OPN5: variants seen among roughly 807,000 people sequenced by gnomAD.
OPN5 encodes opsin 5, also known as opsin-5.
OPN5 carries 18 observed loss-of-function variants against 41.7 expected under a neutral mutation model. The observed-to-expected ratio is 0.43, with a 90% CI of 0.30 to 0.64. The LOEUF (loss-of-function observed/expected upper bound fraction) is 0.64. OPN5 is among the 30% of genes least tolerant of loss of function. The probability of loss-of-function intolerance (pLI) is 0.13; values close to 1 mark genes in which losing one functional copy is unlikely to be tolerated. For missense variants in OPN5, 318 were observed against 434.5 expected (o/e 0.73, Z 2.38); for synonymous variants, 178 against 164.3 (o/e 1.08, Z -0.64).
At chr6:47,808,438 T>C (rs1774061001) in intron 5 of OPN5, 43 bp downstream of exon 5, 1 of 1,608,258 alleles carries the variant, frequency 6.2e-7, no homozygotes, top group Non-Finnish European at 8.5e-7. Flanking sequence ...TCTCTTTGTT[T>C]CAAAATCCGG....
chr6:47,797,092 C>T (rs905576922), intron 4 of OPN5, among the ~76,000 whole-genome samples: 1 of 152,174 alleles, frequency 6.6e-6, no homozygotes, highest in African/African-American at 2.4e-5. Context: ...TTACCTCTCA[C>T]TGGGTCCCTG....
rs544558602 is a variant in OPN5, at chr6:47,785,816, G to T, written c.131-699G>T. 2.0e-5 allele frequency among the ~76,000 whole-genome samples: 3 copies of T among 152,272 alleles called. No homozygotes were observed. The East Asian group carries it at 5.8e-4, about 29-fold the overall frequency. The stretch of plus-strand genomic sequence containing the variant: ...CACTTATGGCATTGTTGGTAGGTTC[G>T]GTGGGTTGAGGGTCACTTTCTCTCC... On this transcript the variant is annotated intron_variant, in intron 1 of 6. Transcript: ENST00000371211.
At chr6:47,814,063 G>A (rs78009194) in intron 6 of OPN5, among the ~76,000 whole-genome samples, 1,891 of 152,184 alleles carry the variant, frequency 0.012, 43 homozygotes, top group African/African-American at 0.043. Context: ...TAACGATATA[G>A]TTATAGATTA....
chr6:47,824,494 T>G (rs567505252), exon 7 of OPN5: 14 of 156,142 alleles, frequency 9.0e-5, no homozygotes, highest in African/African-American at 3.4e-4. Flanking sequence ...CTTTCACTGA[T>G]AAGAAGCATC....
At chr6:47,795,866 T>C (rs1229039255) in intron 4 of OPN5, among the ~76,000 whole-genome samples, 1 of 152,136 alleles carries the variant, frequency 6.6e-6, no homozygotes, top group Non-Finnish European at 1.5e-5. Flanking sequence ...TTATCTGCTC[T>C]GCTGAATAGG....
At chr6:47,809,298 C>T (rs868820343) in intron 5 of OPN5, among the ~76,000 whole-genome samples, 7 of 152,260 alleles carry the variant, frequency 4.6e-5, no homozygotes, top group Middle Eastern at 3.4e-3. Flanking sequence ...CTTAATACTT[C>T]TTCCCTTGAA....
intron 4 of OPN5, among the ~76,000 whole-genome samples, chr6:47,800,457 A>G (rs1402024577): frequency 6.6e-6 from 1 of 152,194 alleles, no homozygotes; most frequent in Non-Finnish European, 1.5e-5. Context: ...AGTGTCAGAC[A>G]TGCAAAAAAC....
intron 3 of OPN5, among the ~76,000 whole-genome samples, chr6:47,792,813 C>T (rs540337151): frequency 6.6e-6 from 1 of 152,176 alleles, no homozygotes; most frequent in South Asian, 2.1e-4. Context: ...GGTGTCAGAG[C>T]AGGGCCTGGA....
intron 3 of OPN5, 131 bp from the exon 4 acceptor site, chr6:47,795,098 C>A: frequency 1.4e-6 from 1 of 717,546 alleles, no homozygotes; most frequent in Non-Finnish European, 2.2e-6. Flanking sequence ...CTCCCTCAGG[C>A]TTCAGTTATC....
chr6:47,825,463 T>C (rs1321667883), downstream of OPN5: 1 of 152,110 alleles, frequency 6.6e-6, no homozygotes, highest in Non-Finnish European at 1.5e-5. Context: ...GTGAAATGGG[T>C]TCTAGGCCAA....
At chr6:47,807,637 G>C (rs10485319) in intron 4 of OPN5, among the ~76,000 whole-genome samples, 18,938 of 152,066 alleles carry the variant, frequency 0.12, 1,326 homozygotes, top group Middle Eastern at 0.16. Context: ...TGAATTTCCA[G>C]TACCTGAGTC....
chr6:47,812,750 A>G (rs1209469212), intron 6 of OPN5, among the ~76,000 whole-genome samples: 1 of 152,108 alleles, frequency 6.6e-6, no homozygotes, highest in African/African-American at 2.4e-5. Flanking sequence ...TCTCTATTCC[A>G]TCTACCTCCC....
At position 47,795,600 on chromosome 6, in the gene OPN5, CTACT is replaced by C; in HGVS notation, c.756+41_756+44del. On this transcript the variant is annotated intron_variant, in intron 4 of 6. Coordinates refer to ENST00000371211, the Ensembl canonical transcript of OPN5. Reference sequence around the variant, plus strand: ...AATATTTTACACATGTGTTTTCTGACTACTTACAACTTCATAGGGTACAAAGGAT... The same window carrying C: ...AATATTTTACACATGTGTTTTCTGACTACAACTTCATAGGGTACAAAGGAT... 2.9e-6 allele frequency: 4 copies of C among 1,390,932 alleles called. 1 individual carries two copies. In the South Asian group the frequency reaches 4.8e-5, roughly 17 times the overall value. 86.2% of individuals were successfully genotyped at this position (1,390,932 alleles called of 1,614,324 possible). A position where few individuals can be genotyped will look rare whatever the true frequency, so the allele number is the denominator to read the frequency against.
At chr6:47,819,461 CAGT>C (rs1453164094) in intron 6 of OPN5, among the ~76,000 whole-genome samples, 2 of 140,960 alleles carry the variant, frequency 1.4e-5, no homozygotes, top group Non-Finnish European at 3.1e-5. Flanking sequence ...ATTCCACATT[CAGT>C]AGTTTAGTGC....
chr6:47,823,667 C>A, intron 6 of OPN5: 1 of 466,086 alleles, frequency 2.1e-6, no homozygotes, highest in Non-Finnish European at 3.8e-6. Context: ...TTGGAGTTTG[C>A]ATTTCATTCT....
intron 4 of OPN5, among the ~76,000 whole-genome samples, chr6:47,801,726 T>C (rs1344867293): frequency 2.0e-5 from 3 of 152,308 alleles, no homozygotes; most frequent in African/African-American, 4.8e-5. Context: ...ATTTACGATT[T>C]CATACCTATT....
At chr6:47,791,969 T>C in exon 3 of OPN5, 1 of 1,612,246 alleles carries the variant, frequency 6.2e-7, no homozygotes. Flanking sequence ...CTATTTATCT[T>C]ATGGTAAGTT....
chr6:47,797,555 C>A (rs1250408078), intron 4 of OPN5, among the ~76,000 whole-genome samples: 2 of 152,154 alleles, frequency 1.3e-5, no homozygotes, highest in Non-Finnish European at 2.9e-5. Flanking sequence ...GGCAAATGTA[C>A]CAATGATGAA....
intron 2 of OPN5, 149 bp downstream of exon 2, chr6:47,786,783 G>A: frequency 1.4e-6 from 1 of 694,778 alleles, no homozygotes; most frequent in Non-Finnish European, 2.4e-6. Flanking sequence ...GAGTTTTGTG[G>A]TAAGTCAATG....
Sources: gnomAD v4.1 joint callset for allele counts (sites outside exome capture counted in the v4.1 genomes callset) on GRCh38, gnomAD v4.1.1 for gene constraint, MANE v1.5 for transcripts, NCBI Gene and HGNC (gene_info 2026-07-23, HGNC 2026-07-21) for gene names.